PLPPR1: variants seen among roughly 807,000 people sequenced by gnomAD.
PLPPR1 encodes phospholipid phosphatase-related protein type 1.
In PLPPR1, 10 loss-of-function variants were observed where a neutral mutation model predicts 33.1. The observed-to-expected ratio is 0.30, with a 90% CI of 0.19 to 0.51. The LOEUF (loss-of-function observed/expected upper bound fraction) is 0.51, where lower values mean the gene tolerates loss of function less well. Among genes scored for constraint, PLPPR1 ranks in the 20% least tolerant of loss-of-function variants. The pLI, the probability that PLPPR1 is intolerant of heterozygous loss-of-function variation, is 0.97. For missense variants in PLPPR1, 304 were observed against 408.1 expected (o/e 0.74, Z 2.20); for synonymous variants, 151 against 151.0 (o/e 1.00, Z 0.00).
intron 1 of PLPPR1, among the ~76,000 whole-genome samples, chr9:101,174,567 G>A (rs1206962087): frequency 1.3e-5 from 2 of 152,116 alleles, no homozygotes; most frequent in East Asian, 3.9e-4. Context: ...ACTTTGCACA[G>A]CTTAGAAATG....
intron 1 of PLPPR1, among the ~76,000 whole-genome samples, chr9:101,083,652 G>A (rs982207118): frequency 1.1e-4 from 16 of 152,118 alleles, no homozygotes; most frequent in South Asian, 2.1e-4. Flanking sequence ...CAGTGTCCCC[G>A]TAAGAGGAGT....
chr9:101,197,848 CTATT>C (rs781389165), intron 2 of PLPPR1, among the ~76,000 whole-genome samples: 16 of 152,196 alleles, frequency 1.1e-4, no homozygotes, highest in Non-Finnish European at 2.2e-4. Flanking sequence ...AATTTGAAAA[CTATT>C]TATATTCACA....
intron 1 of PLPPR1, among the ~76,000 whole-genome samples, chr9:101,137,227 C>A (rs938035343): frequency 1.3e-5 from 2 of 152,082 alleles, no homozygotes; most frequent in Non-Finnish European, 2.9e-5. Flanking sequence ...GACTGAGGGG[C>A]AGTTCTGGAG....
intron 4 of PLPPR1, among the ~76,000 whole-genome samples, chr9:101,296,536 C>G (rs1182787036): frequency 6.6e-6 from 1 of 152,094 alleles, no homozygotes; most frequent in East Asian, 1.9e-4. Context: ...ATAGCAAAGA[C>G]TTGGAACCAA....
At chr9:101,144,988 G>A (rs1330079098) in intron 1 of PLPPR1, among the ~76,000 whole-genome samples, 2 of 151,952 alleles carry the variant, frequency 1.3e-5, no homozygotes, top group African/African-American at 2.4e-5. Flanking sequence ...TCTCACCATG[G>A]TGAGAAAGTC....
intron 1 of PLPPR1, among the ~76,000 whole-genome samples, chr9:101,050,449 G>A (rs1483707686): frequency 6.6e-6 from 1 of 152,194 alleles, no homozygotes; most frequent in Non-Finnish European, 1.5e-5. Context: ...TTTCCAAGAA[G>A]GGCTTGGGTC....
intron 1 of PLPPR1, among the ~76,000 whole-genome samples, chr9:101,117,811 C>A (rs926661284): frequency 1.3e-5 from 2 of 152,208 alleles, no homozygotes; most frequent in African/African-American, 4.8e-5. Flanking sequence ...TGACAACCTG[C>A]ACCTAGCACA....
chr9:101,238,184 GCCCTATATATATA>G (rs1272792321), intron 2 of PLPPR1, among the ~76,000 whole-genome samples: 34 of 131,058 alleles, frequency 2.6e-4, no homozygotes, highest in African/African-American at 4.5e-4. Context: ...CTATATATAT[GCCCTATATATATA>G]CCCTATATAT....
intron 2 of PLPPR1, among the ~76,000 whole-genome samples, chr9:101,190,642 G>A (rs1345961767): frequency 6.6e-6 from 1 of 152,118 alleles, no homozygotes; most frequent in East Asian, 1.9e-4. Flanking sequence ...TGACTGAGGA[G>A]CCTGCCTGGG....
Position 101,317,352 on chromosome 9 carries a change from C to T in PLPPR1, c.814-13C>T, listed in dbSNP as rs1267537232. 2 of 1,609,304 alleles carry T rather than the reference C, an allele frequency of 1.2e-6. No individual in the cohort carries two copies. Among genetic ancestry groups the T allele is most frequent in the Non-Finnish European group, 1.7e-6 (2 of 1,178,304 alleles). ...CAGTCTGACCCCATTCTTTTTTCCC[C>T]CTCATCCTGCAGGGAATGTGTGTGG... On this transcript the variant is annotated splice_polypyrimidine_tract_variant and intron_variant, in intron 6 of 7. Coordinates refer to ENST00000374874, the MANE Select transcript of PLPPR1 (RefSeq NM_207299.2).
intron 1 of PLPPR1, among the ~76,000 whole-genome samples, chr9:101,109,259 C>A (rs1230087178): frequency 6.6e-6 from 1 of 151,514 alleles, no homozygotes; most frequent in East Asian, 1.9e-4. Flanking sequence ...CAGGTGTGAG[C>A]CACCGCGCCC....
chr9:101,054,684 C>T (rs1445832457), intron 1 of PLPPR1, among the ~76,000 whole-genome samples: 1 of 152,138 alleles, frequency 6.6e-6, no homozygotes, highest in Non-Finnish European at 1.5e-5. Context: ...AGGTGCTGGC[C>T]ACTGAAATCC....
At chr9:101,276,903 G>T (rs1193469117) in intron 3 of PLPPR1, among the ~76,000 whole-genome samples, 1 of 152,160 alleles carries the variant, frequency 6.6e-6, no homozygotes, top group Admixed American at 6.5e-5. Context: ...GCTTTGAAAC[G>T]CATAGGAAGT....
intron 2 of PLPPR1, among the ~76,000 whole-genome samples, chr9:101,214,347 C>A (rs1826746079): frequency 6.6e-6 from 1 of 152,158 alleles, no homozygotes; most frequent in Admixed American, 6.5e-5. Context: ...CTAGCACATA[C>A]CCAGCACTTT....
At chr9:101,191,791 T>C (rs1410756744) in intron 2 of PLPPR1, among the ~76,000 whole-genome samples, 2 of 152,230 alleles carry the variant, frequency 1.3e-5, no homozygotes, top group African/African-American at 2.4e-5. Flanking sequence ...CTCTTTTATA[T>C]ATATTTGTGC....
chr9:101,297,195 G>T (rs1292238585), intron 4 of PLPPR1, among the ~76,000 whole-genome samples: 1 of 152,022 alleles, frequency 6.6e-6, no homozygotes, highest in Non-Finnish European at 1.5e-5. Context: ...TTTACTTTTA[G>T]AAATCAGAAA....
chr9:101,123,904 C>T (rs1588037514), intron 1 of PLPPR1, among the ~76,000 whole-genome samples: 2 of 152,182 alleles, frequency 1.3e-5, no homozygotes, highest in South Asian at 2.1e-4. Context: ...CCAAAGGCCA[C>T]AAGGGGTTTT....
At chr9:101,040,103 C>T (rs976206406) in intron 1 of PLPPR1, among the ~76,000 whole-genome samples, 1 of 152,070 alleles carries the variant, frequency 6.6e-6, no homozygotes, top group African/African-American at 2.4e-5. Context: ...CAAAACTTTG[C>T]TATAAAAATT....
At chr9:101,049,027 T>A (rs2256959) in intron 1 of PLPPR1, among the ~76,000 whole-genome samples, 103,610 of 152,122 alleles carry the variant, frequency 0.68, 35,622 homozygotes, top group East Asian at 0.88. Context: ...ATAAAAGCTC[T>A]AGATATCATT....
Sources: allele counts gnomAD v4.1 joint callset (sites outside exome capture counted in the v4.1 genomes callset), GRCh38; gene constraint gnomAD v4.1.1; transcripts MANE v1.5; gene names NCBI Gene and HGNC (gene_info 2026-07-23, HGNC 2026-07-21).